Variants in BRIP1 observed in about 807,000 individuals in gnomAD.
The protein encoded by BRIP1 is Fanconi anemia group J protein.
In BRIP1, 88 loss-of-function variants were observed where a neutral mutation model predicts 119.7. That is an observed-to-expected ratio of 0.74 (90% CI 0.62 to 0.88). The LOEUF is 0.88. BRIP1 is among the 40% of genes least tolerant of loss of function. BRIP1 has a pLI of 0.00. For synonymous variants in BRIP1, 443 were observed against 496.5 expected, an observed-to-expected ratio of 0.89 and a Z score of 1.43; for missense variants, 1,259 against 1,455.4, an observed-to-expected ratio of 0.87 and a Z score of 2.20.
rs2061807928 is a variant in BRIP1, at chr17:61,713,329, A to T, written c.2492+2622T>A. 6.6e-6 allele frequency among the ~76,000 whole-genome samples: 1 copy of T among 152,114 alleles called. No individual in the cohort carries two copies. The highest frequency in any genetic ancestry group is 1.5e-5 in the Non-Finnish European group (1 of 68,010). The stretch of plus-strand genomic sequence containing the variant: ...TACATTAAAAAAAAAGTTAACTATA[A>T]AACAGCTTCAGGCAGATCCCTCAGG... On this transcript the variant is annotated intron_variant, in intron 17 of 19. Coordinates refer to ENST00000259008, the MANE Select transcript of BRIP1 (RefSeq NM_032043.3). The surrounding 1 kb of genome is among the most constrained non-coding windows in gnomAD (Gnocchi z 4.9).
In BRIP1 at chr17:61,693,227, G is replaced by A. The variant is rs2061473328; in HGVS notation, c.2575+203C>T. Among the ~76,000 whole-genome samples the A allele has an allele frequency of 6.6e-6, 1 of 152,096 alleles. No individual in the cohort carries two copies. Among genetic ancestry groups the A allele is most frequent in the Non-Finnish European group, 1.5e-5 (1 of 68,010 alleles). ...TGGACAGGGGGGAGAGGGACATGGG[G>A]CATTGCTGTTCAGTTGGTGTTAAGT... On this transcript the variant is annotated intron_variant, in intron 18 of 19. Coordinates refer to ENST00000259008, the MANE Select transcript of BRIP1 (RefSeq NM_032043.3). The surrounding 1 kb of genome is among the most constrained non-coding windows in gnomAD (Gnocchi z 4.2).
rs766309198 is a variant in BRIP1 at position 61,780,556 on chromosome 17, C to T, written c.1795-155G>A. Among the ~76,000 whole-genome samples the T allele has an allele frequency of 2.6e-5, 4 of 151,940 alleles. No homozygotes were observed. The highest frequency in any genetic ancestry group is 4.4e-5 in the Non-Finnish European group (3 of 67,984). On this transcript the variant is annotated intron_variant, in intron 12 of 19. Coordinates refer to ENST00000259008, the MANE Select transcript of BRIP1 (RefSeq NM_032043.3). This position sits in a 1 kb window ranked among gnomAD's most constrained non-coding sequence, Gnocchi z 5.4. Reference sequence around the variant, plus strand: ...CAGCCTGGGCAATATGGTGAAACCCCGTCTCTACAAAAAATACAAAAATTA... The same window carrying T: ...CAGCCTGGGCAATATGGTGAAACCCTGTCTCTACAAAAAATACAAAAATTA...
Position 61,734,721 on chromosome 17 carries a change from CA to C in BRIP1, c.2379+8291del, listed in dbSNP as rs1407644251. ...CTCTAACATACATTTTCCTTCTTCT[CA>C]AAAAGCCAAACCCTGCTATTGAGAC... On this transcript the variant is annotated intron_variant, in intron 16 of 19. Coordinates refer to ENST00000259008, the MANE Select transcript of BRIP1 (RefSeq NM_032043.3). This position sits in a 1 kb window ranked among gnomAD's most constrained non-coding sequence, Gnocchi z 5.2. 1.3e-5 allele frequency among the ~76,000 whole-genome samples: 2 copies of C among 152,130 alleles called. No homozygotes were observed. The highest frequency in any genetic ancestry group is 6.5e-5 in the Admixed American group (1 of 15,282).
Position 61,761,123 on chromosome 17 carries a change from C to G in BRIP1, c.2097+15278G>C, listed in dbSNP as rs1051884029. Among the ~76,000 whole-genome samples the G allele has an allele frequency of 1.3e-5, 2 of 152,002 alleles. No homozygotes were observed. The highest frequency in any genetic ancestry group is 2.9e-5 in the Non-Finnish European group (2 of 67,920). On this transcript the variant is annotated intron_variant, in intron 14 of 19. Transcript: ENST00000259008. This position sits in a 1 kb window ranked among gnomAD's most constrained non-coding sequence, Gnocchi z 6.4. ...ACATATGTAAATCAATAAATGTATACAGCACATTAATAGAATGAAGGACAA... is the reference window on the plus strand; with the variant it reads ...ACATATGTAAATCAATAAATGTATAGAGCACATTAATAGAATGAAGGACAA...
Position 61,827,599 on chromosome 17 carries a change from C to T in BRIP1, c.628-18842G>A, listed in dbSNP as rs1417168519. Among the ~76,000 whole-genome samples, 1 of 152,014 alleles carries T rather than the reference C, an allele frequency of 6.6e-6. No homozygotes were observed. The highest frequency in any genetic ancestry group is 1.5e-5 in the Non-Finnish European group (1 of 68,006). Reference sequence around the variant, plus strand: ...AAAAAATTAGCCAGGCGTGGGGGCACACACCTGTAATCCCAGCTATTCGGG... The same window carrying T: ...AAAAAATTAGCCAGGCGTGGGGGCATACACCTGTAATCCCAGCTATTCGGG... On this transcript the variant is annotated intron_variant, in intron 6 of 19. Coordinates refer to ENST00000259008, the MANE Select transcript of BRIP1 (RefSeq NM_032043.3). This position sits in a 1 kb window ranked among gnomAD's most constrained non-coding sequence, Gnocchi z 5.8.
intron 6 of BRIP1, among the ~76,000 whole-genome samples, chr17:61,817,963 T>C (rs888717279): frequency 1.3e-5 from 2 of 152,214 alleles, no homozygotes; most frequent in African/African-American, 4.8e-5. Flanking sequence ...CTAATTTTTG[T>C]CTGAATTCCA....
chr17:61,785,204 A>G (rs891179543), intron 10 of BRIP1, among the ~76,000 whole-genome samples: 2 of 152,198 alleles, frequency 1.3e-5, no homozygotes, highest in Admixed American at 1.3e-4. Context: ...TGATGCTGAG[A>G]ATAATATGAC....
chr17:61,702,362 C>T (rs893327733), intron 17 of BRIP1, among the ~76,000 whole-genome samples: 11 of 152,060 alleles, frequency 7.2e-5, no homozygotes, highest in Non-Finnish European at 1.3e-4. Flanking sequence ...AAATTAGGAC[C>T]GATTATTTTG....
rs183263261 is a variant in BRIP1, at chr17:61,726,189, C to T, written c.2380-10126G>A. ...TTATAATTTCCTTTCTCAATTTCTT[C>T]GTCTGTAAGAAGGGGCTTAGAATTA... On this transcript the variant is annotated intron_variant, in intron 16 of 19. Coordinates refer to ENST00000259008, the MANE Select transcript of BRIP1 (RefSeq NM_032043.3). This position sits in a 1 kb window ranked among gnomAD's most constrained non-coding sequence, Gnocchi z 6.2. Among the ~76,000 whole-genome samples the T allele has an allele frequency of 1.7e-3, 259 of 152,234 alleles. No homozygotes were observed. Among genetic ancestry groups the T allele is most frequent in the Non-Finnish European group, 3.2e-3 (220 of 68,028 alleles).
At chr17:61,731,981 C>CTTTTTTTTTTTTTTTTTTTTTTT (rs71299809) in intron 16 of BRIP1, among the ~76,000 whole-genome samples, 6 of 83,006 alleles carry the variant, frequency 7.2e-5, no homozygotes, top group South Asian at 5.1e-4. Context: ...TTCTTTCTTT[C>CTTTTTTTTTTTTTTTTTTTTTTT]TTTTTTTTTT....
chr17:61,838,777 T>C (rs2054568691), intron 6 of BRIP1, among the ~76,000 whole-genome samples: 1 of 151,448 alleles, frequency 6.6e-6, no homozygotes, highest in Non-Finnish European at 1.5e-5. Context: ...AATAAAAAAA[T>C]ATAAAAAAAA....
rs2078722013 is a variant in BRIP1 at position 61,845,971 on chromosome 17, A to G, written c.627+1130T>C. On this transcript the variant is annotated intron_variant, in intron 6 of 19. Coordinates refer to ENST00000259008, the MANE Select transcript of BRIP1 (RefSeq NM_032043.3). The surrounding 1 kb of genome is among the most constrained non-coding windows in gnomAD (Gnocchi z 4.2). ...GCCAAGGTGGGCGGATCACGAGGTCAGAAGATCGAGACCATCCTGGCTAAC... is the reference window on the plus strand; with the variant it reads ...GCCAAGGTGGGCGGATCACGAGGTCGGAAGATCGAGACCATCCTGGCTAAC... Among the ~76,000 whole-genome samples the G allele has an allele frequency of 6.6e-6, 1 of 152,104 alleles. No individual in the cohort carries two copies. The highest frequency in any genetic ancestry group is 1.5e-5 in the Non-Finnish European group (1 of 68,022).
intron 4 of BRIP1, among the ~76,000 whole-genome samples, chr17:61,855,255 T>G (rs1310215989): frequency 6.6e-6 from 1 of 152,162 alleles, no homozygotes; most frequent in Non-Finnish European, 1.5e-5. Flanking sequence ...GAAAGTTTCA[T>G]GGAGGTACAT....
At position 61,704,175 on chromosome 17, in the gene BRIP1, A is replaced by G. The variant is rs2061657011; in HGVS notation, c.2493-10663T>C. On this transcript the variant is annotated intron_variant, in intron 17 of 19. Transcript: ENST00000259008. This position sits in a 1 kb window ranked among gnomAD's most constrained non-coding sequence, Gnocchi z 5.7. ...TGTTTATTTTTGCTAATTTTGTCAAAGATCAGATGGTTGTAGGTGTGCAGT... is the reference window on the plus strand; with the variant it reads ...TGTTTATTTTTGCTAATTTTGTCAAGGATCAGATGGTTGTAGGTGTGCAGT... Among the ~76,000 whole-genome samples the G allele has an allele frequency of 6.6e-6, 1 of 152,148 alleles. No homozygotes were observed. The highest frequency in any genetic ancestry group is 2.4e-5 in the African/African-American group (1 of 41,444).
rs1603310392 is a variant in BRIP1 at position 61,759,571 on chromosome 17, G to T, written c.2098-14980C>A. Among the ~76,000 whole-genome samples the T allele has an allele frequency of 6.6e-6, 1 of 151,880 alleles. No individual in the cohort carries two copies. Among genetic ancestry groups the T allele is most frequent in the Non-Finnish European group, 1.5e-5 (1 of 67,928 alleles). ...GACTTGAATAAATTTAGACCAAATG[G>T]ACCTAACAGGCATTTACAGGCATAC... On this transcript the variant is annotated intron_variant, in intron 14 of 19. Transcript: ENST00000259008. This position sits in a 1 kb window ranked among gnomAD's most constrained non-coding sequence, Gnocchi z 4.9.
chr17:61,733,416 C>A (rs542661692), intron 16 of BRIP1, among the ~76,000 whole-genome samples: 3 of 152,104 alleles, frequency 2.0e-5, no homozygotes, highest in Non-Finnish European at 4.4e-5. Context: ...GTTGAAAGCA[C>A]TGGTTTAACA....
rs907272789 is a variant in BRIP1, at chr17:61,686,624, C to G, written c.2576-459G>C. On this transcript the variant is annotated intron_variant, in intron 18 of 19. Coordinates refer to ENST00000259008, the MANE Select transcript of BRIP1 (RefSeq NM_032043.3). The surrounding 1 kb of genome is among the most constrained non-coding windows in gnomAD (Gnocchi z 5.4). The stretch of plus-strand genomic sequence containing the variant: ...TAGTCTCAAGTTTTTTTGTTCCCTT[C>G]CTCCACCAATTCCAAATATATCTTA... Among the ~76,000 whole-genome samples the G allele has an allele frequency of 6.6e-6, 1 of 151,974 alleles. No homozygotes were observed. Among genetic ancestry groups the G allele is most frequent in the Non-Finnish European group, 1.5e-5 (1 of 67,992 alleles).
chr17:61,762,954 T>C lies in BRIP1; in HGVS notation c.2097+13447A>G, dbSNP rs2077299399. On this transcript the variant is annotated intron_variant, in intron 14 of 19. Transcript: ENST00000259008. The surrounding 1 kb of genome is among the most constrained non-coding windows in gnomAD (Gnocchi z 4.3). ...TTCACTGTAGCATTGTTCATTTGGC[T>C]GGAATTGGAGAACATTATGCTAAGT... Among the ~76,000 whole-genome samples, 2 of 152,292 alleles carry C rather than the reference T, an allele frequency of 1.3e-5. No homozygotes were observed. The highest frequency in any genetic ancestry group is 1.3e-4 in the Admixed American group (2 of 15,272).
rs936745182 is a variant in BRIP1 at position 61,769,751 on chromosome 17, A to G, written c.2097+6650T>C. On this transcript the variant is annotated intron_variant, in intron 14 of 19. Coordinates refer to ENST00000259008, the MANE Select transcript of BRIP1 (RefSeq NM_032043.3). The surrounding 1 kb of genome is among the most constrained non-coding windows in gnomAD (Gnocchi z 4.9). Reference sequence around the variant, plus strand: ...GGCAAACTGCCACCCTGAAATCTGGAGAGACAGGTAAATACAGAGAATCAA... The same window carrying G: ...GGCAAACTGCCACCCTGAAATCTGGGGAGACAGGTAAATACAGAGAATCAA... 3.9e-5 allele frequency among the ~76,000 whole-genome samples: 6 copies of G among 152,218 alleles called. No homozygotes were observed. The highest frequency in any genetic ancestry group is 2.1e-4 in the South Asian group (1 of 4,830).
Sources: gnomAD v4.1 joint callset for allele counts (sites outside exome capture counted in the v4.1 genomes callset) on GRCh38, gnomAD v4.1.1 for gene constraint, Gnocchi (gnomAD v3.1) non-coding constraint, MANE v1.5 for transcripts, NCBI Gene and HGNC (gene_info 2026-07-23, HGNC 2026-07-21) for gene names.